ADAMTS3: variants seen among roughly 807,000 people sequenced by gnomAD.
ADAMTS3 encodes the protein A disintegrin and metalloproteinase with thrombospondin motifs 3.
In ADAMTS3, 73 loss-of-function variants were observed where a neutral mutation model predicts 129.0. That is an observed-to-expected ratio of 0.57 (90% CI 0.47 to 0.69). The LOEUF is 0.69. Ranked by LOEUF, ADAMTS3 falls within the 30% of genes least tolerant of loss-of-function variation. The pLI is 0.00. For synonymous variants in ADAMTS3, 477 were observed against 510.8 expected, an observed-to-expected ratio of 0.93 and a Z score of 0.89; for missense variants, 1,457 against 1,514.5, an observed-to-expected ratio of 0.96 and a Z score of 0.63.
chr4:72,487,805 T>A (rs1171979665), intron 3 of ADAMTS3, among the ~76,000 whole-genome samples: 1 of 151,958 alleles, frequency 6.6e-6, no homozygotes, highest in Non-Finnish European at 1.5e-5. Context: ...GTAGCTATGA[T>A]CAAATACAAT....
chr4:72,373,128 T>G (rs1721052169), intron 4 of ADAMTS3, among the ~76,000 whole-genome samples: 1 of 152,066 alleles, frequency 6.6e-6, no homozygotes, highest in Admixed American at 6.6e-5. Context: ...AACGGAAAGG[T>G]CAAAAACAGC....
intron 3 of ADAMTS3, among the ~76,000 whole-genome samples, chr4:72,416,221 A>G (rs961322385): frequency 1.3e-5 from 2 of 149,296 alleles, no homozygotes; most frequent in Admixed American, 1.3e-4. Context: ...AAATATATAT[A>G]TATTTAGCAA....
intron 4 of ADAMTS3, among the ~76,000 whole-genome samples, chr4:72,413,789 A>G (rs1219354632): frequency 6.6e-6 from 1 of 151,982 alleles, no homozygotes; most frequent in Non-Finnish European, 1.5e-5. Context: ...CAAAGCCTCT[A>G]CAGTGACTCT....
chr4:72,448,299 A>G (rs1718308420), intron 3 of ADAMTS3, among the ~76,000 whole-genome samples: 1 of 151,810 alleles, frequency 6.6e-6, no homozygotes, highest in South Asian at 2.1e-4. Context: ...CTATATAAGT[A>G]GGCAGTGAGT....
chr4:72,432,733 T>C (rs553601059), intron 3 of ADAMTS3, among the ~76,000 whole-genome samples: 1 of 151,952 alleles, frequency 6.6e-6, no homozygotes, highest in Non-Finnish European at 1.5e-5. Context: ...ATGCTGATGG[T>C]ATCAAGGACC....
intron 4 of ADAMTS3, among the ~76,000 whole-genome samples, chr4:72,356,277 A>T (rs1720579494): frequency 6.6e-6 from 1 of 150,822 alleles, no homozygotes; most frequent in African/African-American, 2.4e-5. Flanking sequence ...AGTGATAATT[A>T]AAAAAAAACT....
chr4:72,513,610 C>T (rs1720373234), intron 3 of ADAMTS3, among the ~76,000 whole-genome samples: 1 of 152,200 alleles, frequency 6.6e-6, no homozygotes, highest in Admixed American at 6.5e-5. Context: ...CTTCTTTCCC[C>T]ATACTTGTCA....
chr4:72,398,006 G>T (rs574154554), intron 4 of ADAMTS3, among the ~76,000 whole-genome samples: 1 of 152,076 alleles, frequency 6.6e-6, no homozygotes, highest in Non-Finnish European at 1.5e-5. Context: ...AGATAGTAAG[G>T]GATAAGGAGC....
intron 3 of ADAMTS3, among the ~76,000 whole-genome samples, chr4:72,467,360 T>C (rs894084216): frequency 1.3e-5 from 2 of 152,092 alleles, no homozygotes; most frequent in African/African-American, 4.8e-5. Flanking sequence ...TTGCAGTATC[T>C]TCCAACTTCT....
Position 72,472,103 on chromosome 4 carries a change from A to G in ADAMTS3, c.505-57132T>C, listed in dbSNP as rs574671016. Among the ~76,000 whole-genome samples the G allele has an allele frequency of 5.9e-5, 9 of 152,270 alleles. No homozygotes were observed. In the East Asian group the frequency reaches 1.7e-3, roughly 29 times the overall value. ...TAAGAACTGAGTTTAACATCTGGAA[A>G]TCCTGGTCCAGGAAAAATGAGACAG... On this transcript the variant is annotated intron_variant, in intron 3 of 21. Transcript: ENST00000286657.
intron 2 of ADAMTS3, among the ~76,000 whole-genome samples, chr4:72,551,125 G>A (rs555386909): frequency 2.6e-5 from 4 of 152,112 alleles, no homozygotes; most frequent in East Asian, 1.9e-4. Context: ...TCTAACCATC[G>A]GCTGACCATT....
chr4:72,437,415 C>T (rs1717973104), intron 3 of ADAMTS3, among the ~76,000 whole-genome samples: 1 of 151,730 alleles, frequency 6.6e-6, no homozygotes. Flanking sequence ...TAAAAGAAGG[C>T]TCTGTACCAA....
chr4:72,521,156 C>T (rs1294556200), intron 3 of ADAMTS3, among the ~76,000 whole-genome samples: 1 of 152,002 alleles, frequency 6.6e-6, no homozygotes, highest in Non-Finnish European at 1.5e-5. Flanking sequence ...TGCCACCACC[C>T]CCAGCTAATT....
intron 3 of ADAMTS3, among the ~76,000 whole-genome samples, chr4:72,526,168 G>A (rs1191326849): frequency 6.6e-6 from 1 of 152,160 alleles, no homozygotes; most frequent in African/African-American, 2.4e-5. Flanking sequence ...AGCATAGTCA[G>A]TACTACCCTG....
chr4:72,427,490 T>C (rs1041129454), intron 3 of ADAMTS3, among the ~76,000 whole-genome samples: 2 of 151,896 alleles, frequency 1.3e-5, no homozygotes, highest in Non-Finnish European at 1.5e-5. Context: ...CAAAATGACA[T>C]CATGAGGAAT....
chr4:72,294,770 G>A (rs1162929035), intron 19 of ADAMTS3, among the ~76,000 whole-genome samples: 1 of 152,014 alleles, frequency 6.6e-6, no homozygotes, highest in Non-Finnish European at 1.5e-5. Context: ...CTTTTCAACA[G>A]CAACACTTGA....
chr4:72,500,521 T>C (rs866125981), intron 3 of ADAMTS3, among the ~76,000 whole-genome samples: 1 of 152,204 alleles, frequency 6.6e-6, no homozygotes, highest in Non-Finnish European at 1.5e-5. Context: ...GAAATCTTTG[T>C]CAGATGCATA....
chr4:72,507,960 C>T (rs565856565), intron 3 of ADAMTS3, among the ~76,000 whole-genome samples: 75 of 152,230 alleles, frequency 4.9e-4, no homozygotes, highest in African/African-American at 1.7e-3. Context: ...GTCACATATG[C>T]CTCTATTAAC....
intron 17 of ADAMTS3, among the ~76,000 whole-genome samples, chr4:72,303,158 T>G (rs2109787335): frequency 6.6e-6 from 1 of 152,278 alleles, no homozygotes; most frequent in East Asian, 1.9e-4. Flanking sequence ...TCTTCTGTGC[T>G]GCTGAATGAC....
Sources: allele counts gnomAD v4.1 joint callset (sites outside exome capture counted in the v4.1 genomes callset), GRCh38; gene constraint gnomAD v4.1.1; transcripts MANE v1.5; gene names NCBI Gene and HGNC (gene_info 2026-07-23, HGNC 2026-07-21).